Variants in HEATR5B observed in about 807,000 individuals in gnomAD.
HEATR5B encodes the protein HEAT repeat containing 5B.
HEATR5B carries 156 observed loss-of-function variants against 224.1 expected under a neutral mutation model. That is an observed-to-expected ratio of 0.70 (90% CI 0.61 to 0.80). The LOEUF is 0.80. HEATR5B is among the 30% of genes least tolerant of loss of function. The probability of loss-of-function intolerance (pLI) is 0.00; values close to 1 mark genes in which losing one functional copy is unlikely to be tolerated. For synonymous variants in HEATR5B, 1,027 were observed against 893.0 expected (o/e 1.15, Z -2.68); for missense variants, 2,323 against 2,535.5 (o/e 0.92, Z 1.80).
chr2:37,063,313 G>A (rs149332573), intron 10 of HEATR5B, among the ~76,000 whole-genome samples: 34 of 152,300 alleles, frequency 2.2e-4, no homozygotes, highest in African/African-American at 7.9e-4. Context: ...GAGGTTAGCA[G>A]AGCAAAGGCT....
chr2:36,994,856 T>C (rs528941833), intron 33 of HEATR5B, among the ~76,000 whole-genome samples: 4 of 151,604 alleles, frequency 2.6e-5, no homozygotes, highest in South Asian at 2.1e-4. Flanking sequence ...GTTCACGCCA[T>C]GCTCCTGCCT....
chr2:37,000,874 T>G, intron 32 of HEATR5B, 61 bp from the exon 33 acceptor site: 1 of 1,126,978 alleles, frequency 8.9e-7, no homozygotes, highest in Middle Eastern at 2.1e-4. Context: ...ATAGTTGTTT[T>G]CATTGCTTGT....
chr2:37,014,476 T>C (rs1667989331), intron 26 of HEATR5B, among the ~76,000 whole-genome samples: 1 of 151,996 alleles, frequency 6.6e-6, no homozygotes, highest in African/African-American at 2.4e-5. Context: ...TTATTTTTTA[T>C]ATCAATGGTA....
rs558338063 is a variant in HEATR5B, at chr2:37,024,826, C to T, written c.3853+3097G>A. On this transcript the variant is annotated intron_variant, in intron 24 of 35. Coordinates refer to ENST00000233099, the MANE Select transcript of HEATR5B (RefSeq NM_019024.3). ...GGTAATTGTTTCTGGAACGAGAGCGCCACTTTCCCCAACAACCAGAGTGCT... is the reference window on the plus strand; with the variant it reads ...GGTAATTGTTTCTGGAACGAGAGCGTCACTTTCCCCAACAACCAGAGTGCT... Among the ~76,000 whole-genome samples, 4 of 152,302 alleles carry T rather than the reference C, an allele frequency of 2.6e-5. No individual in the cohort carries two copies. In the South Asian group the frequency reaches 8.3e-4, roughly 32 times the overall value.
intron 17 of HEATR5B, among the ~76,000 whole-genome samples, chr2:37,051,259 G>T (rs1670527090): frequency 6.7e-6 from 1 of 149,504 alleles, no homozygotes; most frequent in South Asian, 2.1e-4. Flanking sequence ...GGGAGGCTGA[G>T]GCAGGAGAAT....
At chr2:37,022,124 A>G (rs1251076662) in intron 24 of HEATR5B, among the ~76,000 whole-genome samples, 1 of 151,536 alleles carries the variant, frequency 6.6e-6, no homozygotes, top group Non-Finnish European at 1.5e-5. Flanking sequence ...CTATCAATTG[A>G]TATCTGCTTC....
At chr2:37,062,861 C>T (rs529220054) in intron 10 of HEATR5B, among the ~76,000 whole-genome samples, 17 of 152,306 alleles carry the variant, frequency 1.1e-4, no homozygotes, top group Admixed American at 3.9e-4. Flanking sequence ...AATCATAGCT[C>T]GGTGTAACCT....
intron 22 of HEATR5B, among the ~76,000 whole-genome samples, chr2:37,029,129 T>G (rs2148463586): frequency 1.3e-5 from 2 of 152,322 alleles, no homozygotes; most frequent in East Asian, 3.9e-4. Context: ...ACTGTAAAAC[T>G]GATTATTCTG....
chr2:37,058,921 G>C lies in HEATR5B; in HGVS notation c.1916C>G (p.Thr639Ser), dbSNP rs138126969. 1.9e-6 allele frequency: 3 copies of C among 1,610,148 alleles called. No individual in the cohort carries two copies. Among genetic ancestry groups the C allele is most frequent in the South Asian group, 2.2e-5 (2 of 90,566 alleles). ...CATAGTCATGGCACATTCAATAGGG[G>C]TCATCAATTTTCGAATCACATCTTC... Reference protein sequence around the residue: ...LTEDVIRKLMTPIECAMTMMS... With the variant: ...LTEDVIRKLMSPIECAMTMMS... Residue 639 changes from threonine (T) to serine (S), a missense_variant, in exon 13 of 36, where the codon ACC becomes AGC. Thr to Ser is a moderately conservative substitution (Grantham distance 58). This residue lies in a region of HEATR5B where 502 missense variants were observed against 517.8 expected (regional missense o/e 0.97). Transcript: ENST00000233099.
chr2:37,081,853 T>G (rs1456260047), intron 2 of HEATR5B, among the ~76,000 whole-genome samples: 1 of 152,008 alleles, frequency 6.6e-6, no homozygotes, highest in Non-Finnish European at 1.5e-5. Flanking sequence ...AGCTATATAC[T>G]CTTCAGACAC....
chr2:37,058,540 G>T lies in HEATR5B; in HGVS notation c.1970C>A (p.Ala657Asp). 1 of 1,609,780 alleles carries T rather than the reference G, an allele frequency of 6.2e-7. No individual in the cohort carries two copies. The highest frequency in any genetic ancestry group is 8.5e-7 in the Non-Finnish European group (1 of 1,176,118). ...MMSHIPSVMK[A>D]HGAHLKASAA... Reference sequence around the variant, plus strand: ...ACTAGCTTTCAGATGAGCTCCATGGGCTTTCATTACAGATGGAATGCTAAA... The same window carrying T: ...ACTAGCTTTCAGATGAGCTCCATGGTCTTTCATTACAGATGGAATGCTAAA... The change falls in exon 14 of 36, where the codon GCC (alanine) becomes GAC (aspartate). Residue 657 changes from alanine (A) to aspartate (D), a missense_variant. Around this residue, in one of 12 missense-constraint regions of HEATR5B, gnomAD observed 502 missense variants for 517.8 expected, o/e 0.97. Transcript: ENST00000233099.
chr2:37,012,504 C>A (rs1008633319), intron 27 of HEATR5B, among the ~76,000 whole-genome samples: 1 of 152,130 alleles, frequency 6.6e-6, no homozygotes, highest in Admixed American at 6.6e-5. Context: ...GATTCTCCTG[C>A]CTCAGCCTCC....
chr2:37,041,736 C>A (rs1669884801), intron 18 of HEATR5B, among the ~76,000 whole-genome samples: 1 of 150,654 alleles, frequency 6.6e-6, no homozygotes, highest in Admixed American at 6.7e-5. Flanking sequence ...TAGAGCAGGA[C>A]CCTGTCTCAA....
chr2:37,005,562 C>T, intron 30 of HEATR5B, 70 bp downstream of exon 30: 1 of 1,427,606 alleles, frequency 7.0e-7, no homozygotes, highest in Non-Finnish European at 9.8e-7. Flanking sequence ...AAAAATCCAT[C>T]CTTTTTTCCA....
At chr2:37,029,278 T>C (rs529945955) in intron 22 of HEATR5B, among the ~76,000 whole-genome samples, 2 of 152,322 alleles carry the variant, frequency 1.3e-5, no homozygotes, top group South Asian at 4.1e-4. Context: ...AAATTGAAAC[T>C]TATTCAGTCT....
Position 37,064,785 on chromosome 2 carries a change from A to C in HEATR5B, c.1539T>G (p.Gly513=). 1 of 1,613,978 alleles carries C rather than the reference A, an allele frequency of 6.2e-7. No individual in the cohort carries two copies. The highest frequency in any genetic ancestry group is 8.5e-7 in the Non-Finnish European group (1 of 1,179,980). ...TGCCCAAAGGACACTGATGTACTCC[A>C]CCTAACAAAGCAGCCATTGCAAAAC... ...GYSFAMAALL[G]GVHQCPLGIP... Residue 513 remains glycine, a synonymous_variant, in exon 10 of 36, where the codon GGT becomes GGG. Transcript: ENST00000233099.
At chr2:36,984,599 G>T (rs1258404386) in intron 35 of HEATR5B, among the ~76,000 whole-genome samples, 1 of 151,944 alleles carries the variant, frequency 6.6e-6, no homozygotes, top group African/African-American at 2.4e-5. Context: ...AAAAAAATAA[G>T]AGAAAAAACA....
intron 24 of HEATR5B, among the ~76,000 whole-genome samples, chr2:37,022,778 T>C (rs1473591137): frequency 6.6e-6 from 1 of 152,192 alleles, no homozygotes; most frequent in Non-Finnish European, 1.5e-5. Context: ...GAACAAAGTT[T>C]AAAAGCAAGT....
At position 37,045,004 on chromosome 2, in the gene HEATR5B, C is replaced by A. The variant is rs1047873571; in HGVS notation, c.2697-3712G>T. ...CTGTTCTTCCTACCTCATTGTCTAACCTTCTGTAAATCCTATCCAGTGCAT... is the reference window on the plus strand; with the variant it reads ...CTGTTCTTCCTACCTCATTGTCTAAACTTCTGTAAATCCTATCCAGTGCAT... On this transcript the variant is annotated intron_variant, in intron 18 of 35. Transcript: ENST00000233099. Among the ~76,000 whole-genome samples the A allele has an allele frequency of 2.6e-5, 4 of 152,166 alleles. No individual in the cohort carries two copies. In the South Asian group the frequency reaches 8.3e-4, roughly 32 times the overall value.
Sources: allele counts gnomAD v4.1 joint callset (sites outside exome capture counted in the v4.1 genomes callset), GRCh38; gene constraint gnomAD v4.1.1; regional missense constraint gnomAD v4.1.1; transcripts MANE v1.5; gene names NCBI Gene and HGNC (gene_info 2026-07-23, HGNC 2026-07-21).